The following HPSE2 variants were observed in gnomAD, a reference collection of about 807,000 sequenced individuals.
The protein encoded by HPSE2 is heparanase 2 (inactive).
In HPSE2, 38 loss-of-function variants were observed where a neutral mutation model predicts 60.5. That is an observed-to-expected ratio of 0.63 (90% CI 0.48 to 0.82). The LOEUF (loss-of-function observed/expected upper bound fraction) is 0.82, where lower values mean the gene tolerates loss of function less well. HPSE2 is among the 40% of genes least tolerant of loss of function. The probability of loss-of-function intolerance (pLI) is 0.00; values close to 1 mark genes in which losing one functional copy is unlikely to be tolerated. For missense variants in HPSE2, 713 were observed against 740.4 expected (o/e 0.96, Z 0.43); for synonymous variants, 295 against 293.2 (o/e 1.01, Z -0.06).
chr10:99,026,358 T>C (rs1957377514), intron 3 of HPSE2, among the ~76,000 whole-genome samples: 1 of 151,980 alleles, frequency 6.6e-6, no homozygotes, highest in African/African-American at 2.4e-5. Flanking sequence ...GGAGAAAAAC[T>C]ATCAGAGACA....
chr10:99,013,461 T>TATTATG lies in HPSE2; in HGVS notation c.610+130771_610+130776dup, dbSNP rs1361200072. ...ATATCCTCCATTAGGAAATGTATAT[T>TATTATG]ATTATGATTATGATTATTATTATTA... On this transcript the variant is annotated intron_variant, in intron 3 of 11. Coordinates refer to ENST00000370552, the MANE Select transcript of HPSE2 (RefSeq NM_021828.5). 3 of 455,106 alleles carry TATTATG rather than the reference T, an allele frequency of 6.6e-6. No homozygotes were observed. In the Admixed American group the frequency reaches 8.7e-5, roughly 13 times the overall value. 28.2% of individuals were successfully genotyped at this position (455,106 alleles called of 1,614,324 possible).
intron 3 of HPSE2, among the ~76,000 whole-genome samples, chr10:98,912,770 C>T (rs532526760): frequency 6.6e-6 from 1 of 151,982 alleles, no homozygotes; most frequent in Admixed American, 6.6e-5. Flanking sequence ...AGGATGATTA[C>T]CAGAGGCTAG....
At chr10:98,835,867 C>T (rs1951779025) in intron 3 of HPSE2, among the ~76,000 whole-genome samples, 2 of 152,112 alleles carry the variant, frequency 1.3e-5, no homozygotes, top group Non-Finnish European at 2.9e-5. Context: ...TTATGGGAGG[C>T]CATTGTTTTG....
At chr10:98,699,228 T>C (rs1295175398) in intron 5 of HPSE2, among the ~76,000 whole-genome samples, 2 of 152,172 alleles carry the variant, frequency 1.3e-5, no homozygotes, top group Non-Finnish European at 2.9e-5. Context: ...TGAACATCGA[T>C]GTAAAAATCC....
the HPSE2 span, among the ~76,000 whole-genome samples, chr10:99,272,269 C>CAAAAAAAAAA: frequency 7.3e-6 from 1 of 137,888 alleles, no homozygotes. Flanking sequence ...GACTCCATCT[C>CAAAAAAAAAA]AAAAAAAAAA....
At chr10:99,013,881 C>A in intron 3 of HPSE2, 1 of 390,864 alleles carries the variant, frequency 2.6e-6, no homozygotes, top group South Asian at 2.1e-5. Context: ...CTGCACTATC[C>A]AGCCCAATAA....
At chr10:99,205,987 T>C (rs767200086) in intron 2 of HPSE2, among the ~76,000 whole-genome samples, 6 of 152,202 alleles carry the variant, frequency 3.9e-5, no homozygotes, top group Non-Finnish European at 7.3e-5. Flanking sequence ...ATGGGACTCA[T>C]ATGAAGTGTC....
intron 3 of HPSE2, among the ~76,000 whole-genome samples, chr10:99,033,548 T>C (rs1957544060): frequency 1.3e-5 from 2 of 152,048 alleles, no homozygotes; most frequent in African/African-American, 4.8e-5. Flanking sequence ...TTTGGGAGGC[T>C]GAGGCGGGCA....
chr10:99,150,543 A>T (rs1846221021), intron 2 of HPSE2, among the ~76,000 whole-genome samples: 1 of 152,036 alleles, frequency 6.6e-6, no homozygotes, highest in African/African-American at 2.4e-5. Flanking sequence ...CTGGTCTCAA[A>T]CTCCTTGTCT....
At chr10:98,670,479 G>C (rs1455688890) in intron 6 of HPSE2, among the ~76,000 whole-genome samples, 1 of 152,144 alleles carries the variant, frequency 6.6e-6, no homozygotes, top group Non-Finnish European at 1.5e-5. Context: ...TACTAATTGA[G>C]CATCCATAAT....
At chr10:98,962,351 G>T (rs1234724696) in intron 3 of HPSE2, among the ~76,000 whole-genome samples, 1 of 149,484 alleles carries the variant, frequency 6.7e-6, no homozygotes, top group African/African-American at 2.5e-5. Context: ...CCATTTTCAC[G>T]ATATTGATTC....
At chr10:99,116,482 A>C (rs1233533025) in intron 3 of HPSE2, among the ~76,000 whole-genome samples, 1 of 152,236 alleles carries the variant, frequency 6.6e-6, no homozygotes, top group African/African-American at 2.4e-5. Flanking sequence ...AGATCAAAGC[A>C]ATGCAAATAT....
chr10:98,920,061 A>G (rs1002947929), intron 3 of HPSE2, among the ~76,000 whole-genome samples: 4 of 152,104 alleles, frequency 2.6e-5, no homozygotes, highest in Non-Finnish European at 5.9e-5. Flanking sequence ...GTTTAGATCC[A>G]TTGCAGTGTT....
At chr10:99,139,084 C>T (rs1439114435) in intron 3 of HPSE2, among the ~76,000 whole-genome samples, 2 of 152,120 alleles carry the variant, frequency 1.3e-5, no homozygotes, top group Non-Finnish European at 2.9e-5. Flanking sequence ...GACATATATA[C>T]CATGAAATAC....
rs141443710 is a variant in HPSE2, at chr10:98,614,701, A to ATG, written c.1320+201_1320+202dup. On this transcript the variant is annotated intron_variant, in intron 9 of 11. Coordinates refer to ENST00000370552, the MANE Select transcript of HPSE2 (RefSeq NM_021828.5). Reference sequence around the variant, plus strand: ...TGTATATATAAAAGTGAGTGAACAGATGTGTGTGTGTGTGTGTGTGTGTGT... The same window carrying ATG: ...TGTATATATAAAAGTGAGTGAACAGATGTGTGTGTGTGTGTGTGTGTGTGTGT... Among the ~76,000 whole-genome samples the ATG allele has an allele frequency of 0.051, 7,538 of 148,944 alleles. 312 individuals carry two copies. Among genetic ancestry groups the ATG allele is most frequent in the Middle Eastern group, 0.11 (33 of 290 alleles).
At chr10:98,967,756 C>A (rs574552401) in intron 3 of HPSE2, among the ~76,000 whole-genome samples, 14 of 152,136 alleles carry the variant, frequency 9.2e-5, no homozygotes, top group Non-Finnish European at 1.9e-4. Flanking sequence ...AGTTGTGTAA[C>A]CACTAGTGAC....
the HPSE2 span, among the ~76,000 whole-genome samples, chr10:99,259,102 TC>T: frequency 6.6e-6 from 1 of 152,120 alleles, no homozygotes; most frequent in East Asian, 1.9e-4. Flanking sequence ...GGTCAGGAGT[TC>T]AAGACCAGCC....
In HPSE2 at chr10:98,845,044, A is replaced by T. The variant is rs73330078; in HGVS notation, c.611-100988T>A. On this transcript the variant is annotated intron_variant, in intron 3 of 11. Coordinates refer to ENST00000370552, the MANE Select transcript of HPSE2 (RefSeq NM_021828.5). ...TGAAGACATTGCCAAATGTGACACA[A>T]ATAAAATGAAGGCAACTCCTAAAGT... Among the ~76,000 whole-genome samples the T allele has an allele frequency of 5.3e-4, 80 of 152,376 alleles. 1 individual carries two copies. The highest frequency in any genetic ancestry group is 1.8e-3 in the African/African-American group (75 of 41,596).
At chr10:98,956,544 T>C (rs1314233344) in intron 3 of HPSE2, among the ~76,000 whole-genome samples, 1 of 152,168 alleles carries the variant, frequency 6.6e-6, no homozygotes, top group Non-Finnish European at 1.5e-5. Flanking sequence ...ATCTCTACCA[T>C]ACCTAGTGAA....
Sources: gnomAD v4.1 joint callset for allele counts (sites outside exome capture counted in the v4.1 genomes callset) on GRCh38, gnomAD v4.1.1 for gene constraint, MANE v1.5 for transcripts, NCBI Gene and HGNC (gene_info 2026-07-23, HGNC 2026-07-21) for gene names.